The following RAD51B variants were observed in gnomAD, a reference collection of about 807,000 sequenced individuals.
RAD51B encodes the protein RAD51 paralog B, also known as DNA repair protein RAD51 homolog 2.
Under a neutral mutation model 42.2 loss-of-function variants are expected in RAD51B, and 38 were observed. The ratio of observed to expected loss-of-function variants is 0.90; its 90% CI spans 0.70 to 1.18. The LOEUF is 1.18. Ranked by LOEUF, RAD51B falls within the 50% of genes most tolerant of loss-of-function variation. The pLI is 0.00. For missense variants in RAD51B, 373 were observed against 400.7 expected, an observed-to-expected ratio of 0.93 and a Z score of 0.59; for synonymous variants, 154 against 145.2, an observed-to-expected ratio of 1.06 and a Z score of -0.43.
chr14:67,828,299 G>A (rs1243419169), intron 3 of RAD51B, among the ~76,000 whole-genome samples: 1 of 151,084 alleles, frequency 6.6e-6, no homozygotes, highest in Non-Finnish European at 1.5e-5. Flanking sequence ...CTTTTGAAAA[G>A]TATCTGTTCA....
downstream of RAD51B, among the ~76,000 whole-genome samples, chr14:68,598,453 G>A (rs1367362027): frequency 6.6e-6 from 1 of 152,188 alleles, no homozygotes; most frequent in Admixed American, 6.5e-5. Flanking sequence ...TAAAATCGCA[G>A]AGTGTCTAAT....
intron 4 of RAD51B, chr14:67,864,690 A>G (rs1288658075): frequency 4.4e-6 from 2 of 458,494 alleles, no homozygotes; most frequent in African/African-American, 2.0e-5. Flanking sequence ...GATGGTATAA[A>G]TGAGTGAATG....
chr14:67,948,131 G>T (rs2045458979), intron 7 of RAD51B, among the ~76,000 whole-genome samples: 1 of 152,164 alleles, frequency 6.6e-6, no homozygotes, highest in African/African-American at 2.4e-5. Flanking sequence ...TGTTCCTATT[G>T]CATACTAGAG....
Position 68,048,686 on chromosome 14 carries a change from A to G in RAD51B, c.756+161482A>G, listed in dbSNP as rs149110187. Among the ~76,000 whole-genome samples, 1,230 of 152,346 alleles carry G rather than the reference A, an allele frequency of 8.1e-3. 16 individuals carry two copies. The highest frequency in any genetic ancestry group is 0.028 in the African/African-American group (1,159 of 41,570). ...TCATCTCACACCAGTTAGAATGGCA[A>G]TCATTAAAAAGTCAGGAAACAACAG... On this transcript the variant is annotated intron_variant, in intron 7 of 10. Coordinates refer to ENST00000471583, the MANE Select transcript of RAD51B (RefSeq NM_133510.4).
intron 7 of RAD51B, among the ~76,000 whole-genome samples, chr14:68,019,622 T>TA (rs1298643484): frequency 5.3e-5 from 8 of 151,900 alleles, no homozygotes; most frequent in Non-Finnish European, 8.8e-5. Flanking sequence ...TTCCAGAGGG[T>TA]GGACTTTGGA....
intron 8 of RAD51B, among the ~76,000 whole-genome samples, chr14:68,295,170 C>T (rs930369821): frequency 2.6e-5 from 4 of 152,172 alleles, no homozygotes; most frequent in East Asian, 3.9e-4. Context: ...GGAGCAATGC[C>T]GGGAAAGTCC....
intron 10 of RAD51B, chr14:68,562,136 C>G (rs1320237057): frequency 2.0e-6 from 2 of 985,196 alleles, no homozygotes; most frequent in East Asian, 2.3e-4. Context: ...CCCTCGTCAC[C>G]CTGGAAATGC....
intron 10 of RAD51B, chr14:68,470,401 G>C: frequency 2.3e-6 from 1 of 438,444 alleles, no homozygotes; most frequent in Non-Finnish European, 4.5e-6. Context: ...AAAGACTTTG[G>C]GAAAACAAAA....
At position 68,219,094 on chromosome 14, in the gene RAD51B, G is replaced by A. The variant is rs574112672; in HGVS notation, c.757-72790G>A. On this transcript the variant is annotated intron_variant, in intron 7 of 10. Coordinates refer to ENST00000471583, the MANE Select transcript of RAD51B (RefSeq NM_133510.4). ...TAAAGAGAAAGGGAACTTCTAAATA[G>A]CTAAAACTCCCGGCAGAGCAGCATA... Among the ~76,000 whole-genome samples the A allele has an allele frequency of 8.5e-5, 13 of 152,294 alleles. No individual in the cohort carries two copies. In the South Asian group the frequency reaches 2.7e-3, roughly 32 times the overall value.
intron 7 of RAD51B, among the ~76,000 whole-genome samples, chr14:67,983,936 T>C (rs778271407): frequency 1.3e-4 from 19 of 151,836 alleles, no homozygotes; most frequent in Non-Finnish European, 2.1e-4. Flanking sequence ...GGTTTTTTTT[T>C]TTTCTTTCTT....
At chr14:68,622,274 A>T (rs10483815) in intron 10 of RAD51B, among the ~76,000 whole-genome samples, 35,300 of 152,136 alleles carry the variant, frequency 0.23, 4,385 homozygotes, top group South Asian at 0.35. Flanking sequence ...AGGAGGAGCC[A>T]TTCTGACTTC....
chr14:68,542,813 C>T (rs1888037561), intron 10 of RAD51B, among the ~76,000 whole-genome samples: 1 of 152,210 alleles, frequency 6.6e-6, no homozygotes, highest in South Asian at 2.1e-4. Flanking sequence ...GGATTTCAAA[C>T]CCATTAGCCT....
Position 68,320,174 on chromosome 14 carries a change from G to T in RAD51B, c.853+28194G>T, listed in dbSNP as rs538856227. ...TTTCTCTCCTTGTTCTTTACTGGCT[G>T]GAATTAATAGAGTACTTTCGGTCTG... On this transcript the variant is annotated intron_variant, in intron 8 of 10. Coordinates refer to ENST00000471583, the MANE Select transcript of RAD51B (RefSeq NM_133510.4). 2.0e-4 allele frequency among the ~76,000 whole-genome samples: 30 copies of T among 152,294 alleles called. No homozygotes were observed. In the South Asian group the frequency reaches 6.2e-3, roughly 32 times the overall value.
At chr14:68,187,146 C>T (rs941127190) in intron 7 of RAD51B, among the ~76,000 whole-genome samples, 2 of 152,070 alleles carry the variant, frequency 1.3e-5, no homozygotes, top group African/African-American at 2.4e-5. Flanking sequence ...TAAGTGGAAG[C>T]TAAACATTAA....
intron 7 of RAD51B, among the ~76,000 whole-genome samples, chr14:68,234,133 G>A (rs531741823): frequency 4.9e-4 from 74 of 152,298 alleles, no homozygotes; most frequent in Middle Eastern, 6.8e-3. Context: ...AGTCAAATGA[G>A]CAGACTACTG....
intron 7 of RAD51B, among the ~76,000 whole-genome samples, chr14:68,067,008 G>A (rs923780555): frequency 4.6e-5 from 7 of 152,108 alleles, no homozygotes; most frequent in Admixed American, 2.0e-4. Context: ...GTTGCACAAC[G>A]TTGATTTAGT....
intron 7 of RAD51B, among the ~76,000 whole-genome samples, chr14:67,996,175 C>T (rs1038061955): frequency 6.6e-6 from 1 of 151,490 alleles, no homozygotes; most frequent in Admixed American, 6.6e-5. Context: ...GTGGGAGGAT[C>T]GCTTGAGCCC....
rs560338912 is a variant in RAD51B at position 68,286,962 on chromosome 14, A to T, written c.757-4922A>T. ...GCCTTAAGCTACTTTTTAAATACTT[A>T]GTGGAAATAAGTCATCTATTTTCAT... On this transcript the variant is annotated intron_variant, in intron 7 of 10. Transcript: ENST00000471583. Among the ~76,000 whole-genome samples, 8 of 152,298 alleles carry T rather than the reference A, an allele frequency of 5.3e-5. 1 individual carries two copies. The highest frequency in any genetic ancestry group is 1.9e-4 in the African/African-American group (8 of 41,568).
chr14:67,975,064 A>T (rs952378475), intron 7 of RAD51B, among the ~76,000 whole-genome samples: 7 of 152,262 alleles, frequency 4.6e-5, no homozygotes, highest in Non-Finnish European at 7.4e-5. Flanking sequence ...ATAACAAATT[A>T]CCCTAAAACT....
Sources: gnomAD v4.1 joint callset for allele counts (sites outside exome capture counted in the v4.1 genomes callset) on GRCh38, gnomAD v4.1.1 for gene constraint, MANE v1.5 for transcripts, NCBI Gene and HGNC (gene_info 2026-07-23, HGNC 2026-07-21) for gene names.